The following RNF14 variants were observed in gnomAD, a reference collection of about 807,000 sequenced individuals.
RNF14 encodes E3 ubiquitin-protein ligase RNF14.
A neutral mutation model predicts 52.6 loss-of-function variants in RNF14; 26 were observed. The observed-to-expected ratio is 0.49, with a 90% CI of 0.36 to 0.69. The LOEUF is 0.69. Ranked by LOEUF, RNF14 falls within the 30% of genes least tolerant of loss-of-function variation. The pLI is 0.00. For missense variants in RNF14, 404 were observed against 560.4 expected (o/e 0.72, Z 2.82); for synonymous variants, 194 against 202.0 (o/e 0.96, Z 0.34).
At chr5:141,985,275 T>C (rs1000706945) in intron 8 of RNF14, among the ~76,000 whole-genome samples, 5 of 152,218 alleles carry the variant, frequency 3.3e-5, no homozygotes, top group East Asian at 1.9e-4. Flanking sequence ...GTTGGAGTTA[T>C]GATAATGCTT....
At chr5:141,986,996 C>T (rs112817960) in intron 8 of RNF14, among the ~76,000 whole-genome samples, 1,680 of 152,310 alleles carry the variant, frequency 0.011, 21 homozygotes, top group Middle Eastern at 0.065. Flanking sequence ...CCTCCATAGA[C>T]TGGCTAGAAC....
chr5:141,983,385 T>C lies in RNF14; in HGVS notation c.1069T>C (p.Leu357=), dbSNP rs770172556. The C allele has an allele frequency of 2.5e-6, 4 of 1,610,792 alleles. No homozygotes were observed. The South Asian group carries it at 4.4e-5, about 18-fold the overall frequency. Residue 357 remains leucine, a synonymous_variant, in exon 7 of 9, where the codon TTA becomes CTA. Coordinates refer to ENST00000394520, the MANE Select transcript of RNF14 (RefSeq NM_004290.5). ...TTTTCCATTTCACTTTGTAGAGAAATTAATGGACTTACGAAATGAATACCT... is the reference window on the plus strand; with the variant it reads ...TTTTCCATTTCACTTTGTAGAGAAACTAATGGACTTACGAAATGAATACCT... ...VSPCKVTAEK[L]MDLRNEYLQA...
At chr5:141,961,446 CCTT>C (rs1185502958) in intron 1 of RNF14, among the ~76,000 whole-genome samples, 1 of 152,148 alleles carries the variant, frequency 6.6e-6, no homozygotes, top group Non-Finnish European at 1.5e-5. Flanking sequence ...TTTCTCTCCT[CCTT>C]CTGGCTGCAG....
At chr5:141,981,999 GC>G (rs1324054906) in intron 6 of RNF14, among the ~76,000 whole-genome samples, 2 of 152,108 alleles carry the variant, frequency 1.3e-5, no homozygotes, top group African/African-American at 4.8e-5. Context: ...GTTGCCTCAG[GC>G]AGCACCTTGC....
intron 6 of RNF14, among the ~76,000 whole-genome samples, chr5:141,981,043 G>A (rs1008291751): frequency 9.9e-5 from 15 of 152,142 alleles, no homozygotes; most frequent in African/African-American, 3.4e-4. Context: ...GGCCCTTAAC[G>A]TCGATTTAAT....
At chr5:141,987,329 C>G (rs1182198478) in intron 8 of RNF14, among the ~76,000 whole-genome samples, 2 of 152,168 alleles carry the variant, frequency 1.3e-5, no homozygotes, top group African/African-American at 4.8e-5. Context: ...TCATTTTCCC[C>G]TTTTTGGCTG....
chr5:141,975,185 A>G (rs1754136194), intron 4 of RNF14, among the ~76,000 whole-genome samples: 1 of 152,158 alleles, frequency 6.6e-6, no homozygotes, highest in Non-Finnish European at 1.5e-5. Context: ...AGTAGGAGTA[A>G]TTTTTAATCA....
At chr5:141,979,738 A>C (rs1489696240) in intron 5 of RNF14, among the ~76,000 whole-genome samples, 1 of 152,126 alleles carries the variant, frequency 6.6e-6, no homozygotes, top group Non-Finnish European at 1.5e-5. Context: ...TGTCTTAAAA[A>C]AAAAAAATCA....
At position 141,987,917 on chromosome 5, in the gene RNF14, A is replaced by G; in HGVS notation, c.*127A>G. On this transcript the variant is annotated 3_prime_UTR_variant, in exon 9 of 9. Transcript: ENST00000394520. ...CTTCCTGCGTAGAAGATATGGAAGAACGAGGTTTATATTTTCATGTGGTAC... is the reference window on the plus strand; with the variant it reads ...CTTCCTGCGTAGAAGATATGGAAGAGCGAGGTTTATATTTTCATGTGGTAC... The G allele has an allele frequency of 4.7e-6, 4 of 853,626 alleles. No homozygotes were observed. In the Admixed American group the frequency reaches 6.4e-5, roughly 14 times the overall value. The allele number at this position is 853,626 out of a possible 1,614,324, so 52.9% of individuals were successfully genotyped here.
chr5:141,955,016 G>T (rs775129851), upstream of RNF14: 1 of 1,614,142 alleles, frequency 6.2e-7, no homozygotes, highest in South Asian at 1.1e-5. The surrounding 1 kb of genome is among the most constrained non-coding windows in gnomAD (Gnocchi z 5.5). Context: ...ACGGGGTTCC[G>T]CTCGGCGAAG....
At chr5:141,955,405 A>G (rs938941951), upstream of RNF14, 7 of 1,613,904 alleles carry the variant, frequency 4.3e-6, no homozygotes, top group Admixed American at 1.0e-4. This position sits in a 1 kb window ranked among gnomAD's most constrained non-coding sequence, Gnocchi z 5.5. Flanking sequence ...GGTGAGGTGG[A>G]AGGGGGCCTG....
At chr5:141,959,174 C>G (rs181150231) in intron 1 of RNF14, 2 of 152,488 alleles carry the variant, frequency 1.3e-5, no homozygotes, top group Admixed American at 6.5e-5. Context: ...TTATACGTTT[C>G]CCTCTCCCAC....
chr5:141,986,982 A>G (rs1020563820), intron 8 of RNF14, among the ~76,000 whole-genome samples: 44 of 152,206 alleles, frequency 2.9e-4, no homozygotes, highest in African/African-American at 9.4e-4. Flanking sequence ...ACCTCAGTCC[A>G]CATCCTCCAT....
chr5:141,968,470 C>T (rs182089184), upstream of RNF14, among the ~76,000 whole-genome samples: 1 of 152,228 alleles, frequency 6.6e-6, no homozygotes, highest in Admixed American at 6.5e-5. Flanking sequence ...TTAATTTTTG[C>T]ATATGGTGTG....
upstream of RNF14, among the ~76,000 whole-genome samples, chr5:141,954,158 G>C (rs546461861): frequency 8.5e-4 from 129 of 152,284 alleles, no homozygotes; most frequent in African/African-American, 2.9e-3. Context: ...CGTGTACAAG[G>C]TTGCCCAGCT....
At chr5:141,952,058 T>C in the RNF14 span, among the ~76,000 whole-genome samples, 1 of 152,218 alleles carries the variant, frequency 6.6e-6, no homozygotes, top group Non-Finnish European at 1.5e-5. Context: ...GAATTATTCA[T>C]TTATTCATCT....
the RNF14 span, chr5:141,951,692 T>C: frequency 2.4e-6 from 2 of 837,476 alleles, no homozygotes; most frequent in Non-Finnish European, 4.1e-6. Context: ...TTATAGTCTT[T>C]CCTCTGGCTT....
chr5:141,973,670 G>A lies in RNF14; in HGVS notation c.82G>A (p.Ala28Thr), dbSNP rs1393830220. 4 of 1,613,810 alleles carry A rather than the reference G, an allele frequency of 2.5e-6. No individual in the cohort carries two copies. Among genetic ancestry groups the A allele is most frequent in the East Asian group, 2.2e-5 (1 of 44,870 alleles). ...TTACGATGGAGATGAATTTAGAAAA[G>A]CAGAGTCTGTCCAAGGTGGAGAAAC... The part of the protein sequence containing the change: ...SIYDGDEFRK[A>T]ESVQGGETRI... Residue 28 changes from alanine to threonine, a missense_variant, in exon 3 of 9, where the codon GCA (alanine) becomes ACA (threonine). Transcript: ENST00000394520.
At chr5:141,958,183 G>A, upstream of RNF14, 1 of 271,386 alleles carries the variant, frequency 3.7e-6, no homozygotes, top group Non-Finnish European at 7.0e-6. Context: ...GTGGGACTCT[G>A]ACTGCCAAAC....
Sources: allele counts gnomAD v4.1 joint callset (sites outside exome capture counted in the v4.1 genomes callset), GRCh38; gene constraint gnomAD v4.1.1; non-coding constraint Gnocchi (gnomAD v3.1); transcripts MANE v1.5; gene names NCBI Gene and HGNC (gene_info 2026-07-23, HGNC 2026-07-21).